Variants in SFMBT2 observed in about 807,000 individuals in gnomAD.
SFMBT2 encodes the protein Scm like with four mbt domains 2.
SFMBT2 carries 38 observed loss-of-function variants against 110.1 expected under a neutral mutation model. That is an observed-to-expected ratio of 0.35 (90% CI 0.27 to 0.45). The LOEUF (loss-of-function observed/expected upper bound fraction) is 0.45, where lower values mean the gene tolerates loss of function less well. SFMBT2 is among the 20% of genes least tolerant of loss of function. The pLI is 1.00. For synonymous variants in SFMBT2, 425 were observed against 425.4 expected (o/e 1.00, Z 0.01); for missense variants, 1,011 against 1,094.9 (o/e 0.92, Z 1.08).
intron 15 of SFMBT2, among the ~76,000 whole-genome samples, chr10:7,191,899 C>T (rs1381913551): frequency 3.3e-5 from 5 of 152,122 alleles, no homozygotes; most frequent in Non-Finnish European, 7.3e-5. Flanking sequence ...TATTTGATGC[C>T]ATATAATCTA....
intron 7 of SFMBT2, among the ~76,000 whole-genome samples, chr10:7,251,554 G>T (rs1840812888): frequency 6.6e-6 from 1 of 152,166 alleles, no homozygotes; most frequent in Admixed American, 6.5e-5. Flanking sequence ...GCTTTTGCAG[G>T]TAAATATCCT....
intron 16 of SFMBT2, among the ~76,000 whole-genome samples, chr10:7,180,279 C>A (rs1007680446): frequency 4.0e-5 from 6 of 149,364 alleles, no homozygotes; most frequent in Non-Finnish European, 8.9e-5. Flanking sequence ...TGCCCACCAC[C>A]ACGCCTATAG....
At position 7,198,434 on chromosome 10, in the gene SFMBT2, G is replaced by A. The variant is rs188462291; in HGVS notation, c.1559-747C>T. Among the ~76,000 whole-genome samples the A allele has an allele frequency of 5.2e-3, 787 of 152,306 alleles. 3 individuals carry two copies. The highest frequency in any genetic ancestry group is 6.8e-3 in the Non-Finnish European group (462 of 68,036). On this transcript the variant is annotated intron_variant, in intron 14 of 20. Coordinates refer to ENST00000397167, the MANE Select transcript of SFMBT2 (RefSeq NM_001387889.1). ...GTGAGTAAGAAGAGTGGGCCAGGTA[G>A]GCCACAGGTCTGCGCATCTGTATCT...
chr10:7,340,407 T>C (rs991537514), intron 4 of SFMBT2, among the ~76,000 whole-genome samples: 1 of 152,056 alleles, frequency 6.6e-6, no homozygotes, highest in Admixed American at 6.6e-5. Flanking sequence ...TCAACTGTAG[T>C]TGTTTTTAAG....
At chr10:7,265,524 A>G (rs746297060) in intron 7 of SFMBT2, among the ~76,000 whole-genome samples, 14 of 152,272 alleles carry the variant, frequency 9.2e-5, no homozygotes, top group Non-Finnish European at 1.5e-4. Context: ...CTTAATTTCA[A>G]TGAGGAATTG....
At chr10:7,164,623 A>T (rs1285131130) in intron 20 of SFMBT2, among the ~76,000 whole-genome samples, 1 of 152,000 alleles carries the variant, frequency 6.6e-6, no homozygotes, top group African/African-American at 2.4e-5. Context: ...TAAGCAAAGG[A>T]ATCTCTACTA....
chr10:7,281,356 G>A (rs551511420), intron 6 of SFMBT2, among the ~76,000 whole-genome samples: 7 of 152,268 alleles, frequency 4.6e-5, no homozygotes, highest in South Asian at 2.1e-4. Flanking sequence ...GGAAGAGCTC[G>A]TGGGGAGTAT....
At chr10:7,277,737 G>C (rs1841828700) in intron 6 of SFMBT2, among the ~76,000 whole-genome samples, 1 of 152,160 alleles carries the variant, frequency 6.6e-6, no homozygotes, top group Admixed American at 6.5e-5. Flanking sequence ...TATCAAAATA[G>C]GATTTGCAGA....
intron 1 of SFMBT2, among the ~76,000 whole-genome samples, chr10:7,409,529 A>G (rs1402371132): frequency 2.0e-5 from 3 of 152,004 alleles, no homozygotes; most frequent in African/African-American, 7.2e-5. Context: ...AGGCCTGCAC[A>G]CTAATCCACA....
intron 12 of SFMBT2, chr10:7,204,287 C>T: frequency 4.2e-6 from 4 of 950,908 alleles, no homozygotes; most frequent in Non-Finnish European, 5.0e-6. Flanking sequence ...CTGTCGCCAT[C>T]AGGGAATGTG....
chr10:7,277,086 C>T, intron 6 of SFMBT2, 97 bp from the exon 7 acceptor site: 1 of 734,694 alleles, frequency 1.4e-6, no homozygotes, highest in Non-Finnish European at 2.5e-6. Context: ...CCTGATACCT[C>T]AGCACGGTCA....
chr10:7,354,539 A>C (rs1844435291), intron 4 of SFMBT2, among the ~76,000 whole-genome samples: 1 of 152,134 alleles, frequency 6.6e-6, no homozygotes, highest in Non-Finnish European at 1.5e-5. Context: ...TCTCAGGCAG[A>C]TCAGTCTCAT....
At chr10:7,351,647 T>C (rs151243187) in intron 4 of SFMBT2, among the ~76,000 whole-genome samples, 8 of 152,258 alleles carry the variant, frequency 5.3e-5, no homozygotes, top group Middle Eastern at 6.8e-3. Context: ...TAAACAATTA[T>C]ATAGCACAGG....
chr10:7,215,991 G>A (rs1182887290), intron 11 of SFMBT2, among the ~76,000 whole-genome samples: 1 of 152,156 alleles, frequency 6.6e-6, no homozygotes, highest in Non-Finnish European at 1.5e-5. Flanking sequence ...TTCTCTCTCG[G>A]AAAATTCTTC....
chr10:7,366,614 G>A (rs2132049248), intron 4 of SFMBT2, among the ~76,000 whole-genome samples: 1 of 152,282 alleles, frequency 6.6e-6, no homozygotes, highest in Admixed American at 6.5e-5. Flanking sequence ...GGCATCAAGA[G>A]CCTGCAAGTA....
At chr10:7,366,158 A>G (rs1233122471) in intron 4 of SFMBT2, among the ~76,000 whole-genome samples, 1 of 152,146 alleles carries the variant, frequency 6.6e-6, no homozygotes, top group Non-Finnish European at 1.5e-5. Flanking sequence ...GAAAGGAAGG[A>G]GGTTCTCAGC....
At position 7,391,655 on chromosome 10, in the gene SFMBT2, T is replaced by A. The variant is rs141648574; in HGVS notation, c.-51-9706A>T. 7.8e-3 allele frequency among the ~76,000 whole-genome samples: 1,183 copies of A among 152,310 alleles called. 17 individuals carry two copies. The highest frequency in any genetic ancestry group is 0.026 in the African/African-American group (1,094 of 41,560). On this transcript the variant is annotated intron_variant, in intron 1 of 20. Transcript: ENST00000397167. ...TTTTCCTTCCTATAAGAGATAGACA[T>A]GCTCTTGGTAGAAATCTTGAAAAGT... is the stretch of plus-strand genomic sequence containing the variant.
At chr10:7,342,432 A>G (rs1158762593) in intron 4 of SFMBT2, among the ~76,000 whole-genome samples, 18 of 94,072 alleles carry the variant, frequency 1.9e-4, no homozygotes, top group East Asian at 8.1e-4. Flanking sequence ...TTTTTGAGAC[A>G]GAGTCTCGCT....
chr10:7,293,679 A>T lies in SFMBT2; in HGVS notation c.437-7725T>A, dbSNP rs1842323322. Among the ~76,000 whole-genome samples, 1 of 152,180 alleles carries T rather than the reference A, an allele frequency of 6.6e-6. No individual in the cohort carries two copies. Among genetic ancestry groups the T allele is most frequent in the Admixed American group, 6.5e-5 (1 of 15,280 alleles). The stretch of plus-strand genomic sequence containing the variant: ...AAAACACAGCCACAGAGGTGCAAGC[A>T]CAGTCAAAGTTCCTCTCTCTTTCTC... On this transcript the variant is annotated intron_variant, in intron 4 of 20. Transcript: ENST00000397167. The surrounding 1 kb of genome is among the most constrained non-coding windows in gnomAD (Gnocchi z 4.6).
Sources: gnomAD v4.1 joint callset for allele counts (sites outside exome capture counted in the v4.1 genomes callset) on GRCh38, gnomAD v4.1.1 for gene constraint, Gnocchi (gnomAD v3.1) non-coding constraint, MANE v1.5 for transcripts, NCBI Gene and HGNC (gene_info 2026-07-23, HGNC 2026-07-21) for gene names.